Variants in CDH8 observed in about 807,000 individuals in gnomAD.
CDH8 encodes the protein cadherin-8.
CDH8 carries 17 observed loss-of-function variants against 68.1 expected under a neutral mutation model. The ratio of observed to expected loss-of-function variants is 0.25; its 90% confidence interval spans 0.17 to 0.37. CDH8 has a LOEUF of 0.37. Ranked by LOEUF, CDH8 falls within the 10% of genes least tolerant of loss-of-function variation. CDH8 has a pLI of 1.00. For synonymous variants in CDH8, 372 were observed against 365.1 expected (o/e 1.02, Z -0.21); for missense variants, 763 against 999.3 (o/e 0.76, Z 3.19).
chr16:61,665,461 C>T (rs1426333661), intron 10 of CDH8, among the ~76,000 whole-genome samples: 1 of 151,816 alleles, frequency 6.6e-6, no homozygotes, highest in Non-Finnish European at 1.5e-5. Context: ...AATGAGAACA[C>T]ATGGACACAG....
chr16:61,768,423 TCTCTCC>T lies in CDH8; in HGVS notation c.1414+20917_1414+20922del, dbSNP rs1290944066. The stretch of plus-strand genomic sequence containing the variant: ...TTCTCTCTCTCTCTCTCTCTCTCTC[TCTCTCC>T]CTCTCCCTCTCTCTCTCGCAGTGCC... On this transcript the variant is annotated intron_variant, in intron 8 of 11. Transcript: ENST00000577390. Among the ~76,000 whole-genome samples, 397 of 139,716 alleles carry T rather than the reference TCTCTCC, an allele frequency of 2.8e-3. 12 individuals are homozygous for T. The highest frequency in any genetic ancestry group is 0.01 in the African/African-American group (371 of 36,292). The allele number at this position is 139,716 out of a possible 152,430, so 91.7% of individuals were successfully genotyped here.
intron 10 of CDH8, among the ~76,000 whole-genome samples, chr16:61,669,361 C>A (rs977736883): frequency 3.3e-5 from 5 of 151,996 alleles, no homozygotes; most frequent in Non-Finnish European, 4.4e-5. Context: ...CACATCCCAC[C>A]CAGCATGCCG....
At chr16:61,767,421 T>A (rs1960622943) in intron 8 of CDH8, among the ~76,000 whole-genome samples, 1 of 151,966 alleles carries the variant, frequency 6.6e-6, no homozygotes, top group South Asian at 2.1e-4. Flanking sequence ...TCTGGCTATA[T>A]CACCTGAAAC....
rs145224788 is a variant in CDH8 at position 61,695,016 on chromosome 16, G to A, written c.1654+18825C>T. Among the ~76,000 whole-genome samples the A allele has an allele frequency of 4.5e-3, 686 of 151,882 alleles. 6 individuals are homozygous for A. Among genetic ancestry groups the A allele is most frequent in the Non-Finnish European group, 4.9e-3 (331 of 67,934 alleles). On this transcript the variant is annotated intron_variant, in intron 10 of 11. Coordinates refer to ENST00000577390, the MANE Select transcript of CDH8 (RefSeq NM_001796.5). ...AGGCTGGTCTCGAACTCCTGACCGC[G>A]TGATCCCCCGCCTCAGCCCCTCAAA...
At chr16:61,723,641 A>G (rs1488771696) in intron 9 of CDH8, among the ~76,000 whole-genome samples, 2 of 150,734 alleles carry the variant, frequency 1.3e-5, no homozygotes, top group East Asian at 3.9e-4. Flanking sequence ...GTTGTATACT[A>G]CTACATTTTC....
At chr16:61,804,028 C>T (rs2142997729) in intron 7 of CDH8, among the ~76,000 whole-genome samples, 1 of 131,312 alleles carries the variant, frequency 7.6e-6, no homozygotes, top group East Asian at 2.0e-4. Flanking sequence ...TTTTTCAGCA[C>T]CACACCACAC....
intron 2 of CDH8, among the ~76,000 whole-genome samples, chr16:61,963,570 T>A (rs2150572853): frequency 6.6e-6 from 1 of 152,056 alleles, no homozygotes; most frequent in African/African-American, 2.4e-5. Flanking sequence ...CCAAGGGAGG[T>A]GTTAATCTCC....
chr16:61,824,978 C>G, intron 5 of CDH8, 34 bp downstream of exon 5: 1 of 1,544,426 alleles, frequency 6.5e-7, no homozygotes. Context: ...AACATCATAC[C>G]AAGATTCTCA....
intron 8 of CDH8, among the ~76,000 whole-genome samples, chr16:61,774,069 G>A (rs1310458200): frequency 6.6e-6 from 1 of 152,044 alleles, no homozygotes; most frequent in Non-Finnish European, 1.5e-5. Flanking sequence ...GGATTAGGGA[G>A]TCCTGGAATC....
intron 8 of CDH8, among the ~76,000 whole-genome samples, chr16:61,736,296 A>C (rs997134445): frequency 4.6e-5 from 7 of 152,154 alleles, no homozygotes; most frequent in African/African-American, 1.7e-4. Flanking sequence ...GCCAATGGTG[A>C]TATTAGGAGA....
intron 2 of CDH8, among the ~76,000 whole-genome samples, chr16:61,921,277 G>GAA (rs778747444): frequency 2.8e-5 from 4 of 140,822 alleles, no homozygotes; most frequent in East Asian, 4.1e-4. Context: ...AATAATAAAA[G>GAA]AAAAAAAAAA....
chr16:61,714,652 C>G (rs1391910213), intron 9 of CDH8, among the ~76,000 whole-genome samples: 2 of 151,520 alleles, frequency 1.3e-5, no homozygotes, highest in Non-Finnish European at 3.0e-5. Flanking sequence ...ATTTGTAAAG[C>G]TGCATTAACT....
At chr16:61,889,548 A>T (rs1467003782) in intron 3 of CDH8, among the ~76,000 whole-genome samples, 1 of 152,190 alleles carries the variant, frequency 6.6e-6, no homozygotes, top group Non-Finnish European at 1.5e-5. Flanking sequence ...AGTCTTCAGA[A>T]TTTCACAAAT....
rs548807974 is a variant in CDH8, at chr16:61,989,174, AATAG to A, written c.252+31974_252+31977del. On this transcript the variant is annotated intron_variant, in intron 2 of 11. Transcript: ENST00000577390. ...ATCTTAGTCAGATGGAGAAAGATAA[AATAG>A]ATAGATGAAAAATAAAAGGGATGCT... Among the ~76,000 whole-genome samples, 631 of 152,310 alleles carry A rather than the reference AATAG, an allele frequency of 4.1e-3. 7 individuals are homozygous for A. Among genetic ancestry groups the A allele is most frequent in the Middle Eastern group, 6.8e-3 (2 of 294 alleles).
chr16:61,751,114 T>G (rs191476300), intron 8 of CDH8, among the ~76,000 whole-genome samples: 2 of 152,098 alleles, frequency 1.3e-5, no homozygotes, highest in East Asian at 3.9e-4. Flanking sequence ...AACATACATA[T>G]GGCAAACAAA....
intron 3 of CDH8, among the ~76,000 whole-genome samples, chr16:61,871,167 C>T (rs1342012940): frequency 6.6e-6 from 1 of 151,916 alleles, no homozygotes; most frequent in Admixed American, 6.6e-5. Flanking sequence ...CATACACACA[C>T]ACTTATACAA....
At chr16:61,688,864 C>T (rs565804237) in intron 10 of CDH8, among the ~76,000 whole-genome samples, 6 of 152,036 alleles carry the variant, frequency 3.9e-5, no homozygotes, top group African/African-American at 4.8e-5. Context: ...TAAAAAATCT[C>T]GAAGTCATTG....
At chr16:61,746,074 A>T (rs1960013655) in intron 8 of CDH8, among the ~76,000 whole-genome samples, 2 of 152,038 alleles carry the variant, frequency 1.3e-5, no homozygotes, top group Non-Finnish European at 1.5e-5. Context: ...TTTCTTTTAC[A>T]CTGCTAAAAT....
intron 7 of CDH8, among the ~76,000 whole-genome samples, chr16:61,814,988 G>A (rs899084495): frequency 1.3e-5 from 2 of 152,276 alleles, no homozygotes; most frequent in African/African-American, 4.8e-5. Context: ...AATAAAAAAT[G>A]TGTGGGCTCC....
Sources: allele counts gnomAD v4.1 joint callset (sites outside exome capture counted in the v4.1 genomes callset), GRCh38; gene constraint gnomAD v4.1.1; transcripts MANE v1.5; gene names NCBI Gene and HGNC (gene_info 2026-07-23, HGNC 2026-07-21).